STRN: variants seen among roughly 807,000 people sequenced by gnomAD.
The protein encoded by STRN is striatin, also known as protein phosphatase 2 regulatory subunit B'''alpha.
STRN carries 53 observed loss-of-function variants against 96.3 expected under a neutral mutation model. The ratio of observed to expected loss-of-function variants is 0.55; its 90% CI spans 0.44 to 0.69. STRN has a LOEUF of 0.69. STRN is among the 30% of genes least tolerant of loss of function. The probability of loss-of-function intolerance (pLI) is 0.00; values close to 1 mark genes in which losing one functional copy is unlikely to be tolerated. For synonymous variants in STRN, 428 were observed against 355.9 expected (o/e 1.20, Z -2.28); for missense variants, 987 against 963.9 (o/e 1.02, Z -0.32).
At chr2:36,855,109 A>T in intron 15 of STRN, 103 bp downstream of exon 15, 1 of 1,221,790 alleles carries the variant, frequency 8.2e-7, no homozygotes, top group Non-Finnish European at 1.1e-6. Flanking sequence ...TAAGAGACAG[A>T]AAGCTTTATA....
rs905360509 is a variant in STRN at position 36,842,367 on chromosome 2, A to G, written c.*7089T>C. The G allele has an allele frequency of 1.3e-5, 2 of 152,214 alleles. No individual in the cohort carries two copies. The highest frequency in any genetic ancestry group is 2.9e-5 in the Non-Finnish European group (2 of 68,024). The allele number at this position is 152,214 out of a possible 1,614,324, so 9.4% of individuals were successfully genotyped here. A position where few individuals can be genotyped will look rare whatever the true frequency, so the allele number is the denominator to read the frequency against. ...ATGATGGCATAAGAAATTATAGCAC[A>G]TAAATTAATAACACTATAGTACTCC... On this transcript the variant is annotated 3_prime_UTR_variant, in exon 18 of 18. Transcript: ENST00000263918.
At chr2:36,964,309 A>G (rs1050178754) in intron 1 of STRN, among the ~76,000 whole-genome samples, 2 of 150,582 alleles carry the variant, frequency 1.3e-5, no homozygotes, top group African/African-American at 4.9e-5. Context: ...TGAGTTATCT[A>G]TATTCCCAAA....
intron 3 of STRN, 56 bp from the exon 4 acceptor site, chr2:36,905,674 T>A: frequency 7.2e-7 from 1 of 1,381,036 alleles, no homozygotes; most frequent in Non-Finnish European, 1.0e-6. Flanking sequence ...AGAGGGCATC[T>A]TAATTCATTA....
In STRN at chr2:36,876,937, A is replaced by G. The variant is rs150585910; in HGVS notation, c.1323+954T>C. ...TAATTTTTTTGTATTTTTAATAGAG[A>G]CGGGTTTTCACCGTGTGAGCCAGGA... On this transcript the variant is annotated intron_variant, in intron 10 of 17. Transcript: ENST00000263918. 4.2e-3 allele frequency among the ~76,000 whole-genome samples: 644 copies of G among 152,052 alleles called. 3 individuals are homozygous for G. Among genetic ancestry groups the G allele is most frequent in the African/African-American group, 0.015 (620 of 41,468 alleles).
chr2:36,854,024 G>T (rs1405661008), intron 15 of STRN, among the ~76,000 whole-genome samples: 3 of 151,842 alleles, frequency 2.0e-5, no homozygotes, highest in Non-Finnish European at 4.4e-5. Context: ...ATCTCTTGGG[G>T]GAAAATGTGG....
chr2:36,850,745 T>G (rs1410525624), intron 16 of STRN, among the ~76,000 whole-genome samples: 5 of 152,168 alleles, frequency 3.3e-5, no homozygotes, highest in African/African-American at 1.2e-4. Context: ...GTGTCCCTAG[T>G]GATAACCTTG....
intron 7 of STRN, among the ~76,000 whole-genome samples, chr2:36,887,040 AAGACACACACAC>A (rs756691338): frequency 8.6e-6 from 1 of 116,932 alleles, no homozygotes; most frequent in Non-Finnish European, 1.7e-5. Flanking sequence ...TTTCTCCTGA[AAGACACACACAC>A]ACACACACAC....
At chr2:36,901,290 T>G (rs932190684) in intron 5 of STRN, among the ~76,000 whole-genome samples, 1 of 152,158 alleles carries the variant, frequency 6.6e-6, no homozygotes, top group Admixed American at 6.6e-5. Context: ...TGGGGGCTCA[T>G]GCCGGTAATC....
At chr2:36,853,202 T>G (rs1023491495) in intron 15 of STRN, among the ~76,000 whole-genome samples, 52 of 152,120 alleles carry the variant, frequency 3.4e-4, no homozygotes, top group Non-Finnish European at 6.9e-4. Context: ...CCATGTGGAG[T>G]AAGTTCTTAG....
intron 4 of STRN, among the ~76,000 whole-genome samples, chr2:36,904,964 T>C (rs941001895): frequency 1.7e-4 from 23 of 138,666 alleles, no homozygotes; most frequent in South Asian, 4.6e-4. Flanking sequence ...TAAACACCAA[T>C]TGCACTTTTT....
intron 1 of STRN, among the ~76,000 whole-genome samples, chr2:36,952,513 G>A (rs1335430352): frequency 6.7e-6 from 1 of 150,164 alleles, no homozygotes; most frequent in Non-Finnish European, 1.5e-5. Flanking sequence ...CCATCACTCA[G>A]CCTTTTTCTA....
At chr2:36,856,891 G>A (rs930684742) in intron 14 of STRN, among the ~76,000 whole-genome samples, 3 of 151,958 alleles carry the variant, frequency 2.0e-5, no homozygotes, top group Non-Finnish European at 4.4e-5. Flanking sequence ...CTCCTGCTCC[G>A]GCCATGTAAA....
chr2:36,893,231 A>G (rs761402046), intron 7 of STRN, among the ~76,000 whole-genome samples: 3 of 152,130 alleles, frequency 2.0e-5, no homozygotes, highest in Non-Finnish European at 4.4e-5. Context: ...TCTAAGTAAG[A>G]TTTCTTTATA....
intron 9 of STRN, among the ~76,000 whole-genome samples, chr2:36,882,281 T>C (rs57884362): frequency 0.035 from 5,331 of 152,320 alleles, 140 homozygotes; most frequent in East Asian, 0.13. Context: ...AATGCAAATA[T>C]AGTATTTAAA....
intron 9 of STRN, among the ~76,000 whole-genome samples, chr2:36,883,241 G>A (rs547667400): frequency 6.6e-6 from 1 of 152,030 alleles, no homozygotes; most frequent in Admixed American, 6.5e-5. Context: ...GATCACTTGA[G>A]GTCAGGAATT....
chr2:36,948,301 T>C (rs11695609), intron 1 of STRN, among the ~76,000 whole-genome samples: 82,408 of 151,340 alleles, frequency 0.54, 23,138 homozygotes, highest in African/African-American at 0.67. Context: ...GGTTTCACCA[T>C]GTTGGCCAGG....
At chr2:36,879,732 TA>T (rs1669018319) in intron 9 of STRN, among the ~76,000 whole-genome samples, 1 of 152,178 alleles carries the variant, frequency 6.6e-6, no homozygotes, top group Non-Finnish European at 1.5e-5. Flanking sequence ...AGGGGTAAAT[TA>T]ATTTTCTTAA....
In STRN at chr2:36,889,554, G is replaced by C. The variant is rs148626382; in HGVS notation, c.932-2728C>G. Among the ~76,000 whole-genome samples the C allele has an allele frequency of 7.3e-3, 899 of 123,816 alleles. 6 individuals carry two copies. Among genetic ancestry groups the C allele is most frequent in the Middle Eastern group, 0.014 (2 of 148 alleles). 81.2% of individuals were successfully genotyped at this position (123,816 alleles called of 152,430 possible). A position where few individuals can be genotyped will look rare whatever the true frequency, so the allele number is the denominator to read the frequency against. ...CAATAGCAATCATGGAAGATGTATG[G>C]TAAAATCTTTTTGCTTGCCAGAATC... On this transcript the variant is annotated intron_variant, in intron 7 of 17. Coordinates refer to ENST00000263918, the MANE Select transcript of STRN (RefSeq NM_003162.4).
rs1445314644 is a variant in STRN at position 36,924,079 on chromosome 2, G to A, written c.338+1026C>T. 2.0e-5 allele frequency among the ~76,000 whole-genome samples: 3 copies of A among 152,074 alleles called. No individual in the cohort carries two copies. In the East Asian group the frequency reaches 5.8e-4, roughly 29 times the overall value. ...ATACACAAAAAAAAGTCTATAGGCTGGGCATGGTGGCTCACGCCTGTAATC... is the reference window on the plus strand; with the variant it reads ...ATACACAAAAAAAAGTCTATAGGCTAGGCATGGTGGCTCACGCCTGTAATC... On this transcript the variant is annotated intron_variant, in intron 2 of 17. Transcript: ENST00000263918.
Sources: allele counts gnomAD v4.1 joint callset (sites outside exome capture counted in the v4.1 genomes callset), GRCh38; gene constraint gnomAD v4.1.1; transcripts MANE v1.5; gene names NCBI Gene and HGNC (gene_info 2026-07-23, HGNC 2026-07-21).